The following ASPH variants were observed in gnomAD, a reference collection of about 807,000 sequenced individuals.
ASPH encodes the protein aspartate beta-hydroxylase, also known as aspartyl/asparaginyl beta-hydroxylase.
A neutral mutation model predicts 118.4 loss-of-function variants in ASPH; 100 were observed. The ratio of observed to expected loss-of-function variants is 0.84; its 90% confidence interval spans 0.72 to 1.00. The LOEUF (loss-of-function observed/expected upper bound fraction) is 1.00. ASPH is among the 50% of genes least tolerant of loss of function. The probability of loss-of-function intolerance (pLI) is 0.00; values close to 1 mark genes in which losing one functional copy is unlikely to be tolerated. For synonymous variants in ASPH, 315 were observed against 325.6 expected, an observed-to-expected ratio of 0.97 and a Z score of 0.35; for missense variants, 920 against 919.5, an observed-to-expected ratio of 1.00 and a Z score of -0.01.
intron 20 of ASPH, among the ~76,000 whole-genome samples, chr8:61,552,703 T>A (rs974896494): frequency 7.2e-5 from 11 of 152,190 alleles, no homozygotes; most frequent in African/African-American, 2.4e-4. Flanking sequence ...AGGCAATTTC[T>A]ATCTCTCTGT....
chr8:61,615,287 T>C (rs988938502), intron 14 of ASPH, among the ~76,000 whole-genome samples: 3 of 152,204 alleles, frequency 2.0e-5, no homozygotes, highest in African/African-American at 7.2e-5. Context: ...GTGCAACTCC[T>C]GCCCTTGCCT....
At chr8:61,638,795 G>A (rs947707637) in intron 10 of ASPH, among the ~76,000 whole-genome samples, 8 of 152,220 alleles carry the variant, frequency 5.3e-5, no homozygotes, top group South Asian at 2.1e-4. Flanking sequence ...TAATTAGGGC[G>A]TGCTGCCCTT....
chr8:61,571,103 C>T (rs1002006369), intron 16 of ASPH, among the ~76,000 whole-genome samples: 1 of 152,046 alleles, frequency 6.6e-6, no homozygotes, highest in African/African-American at 2.4e-5. Context: ...CCTATAAAAC[C>T]CATCTTCTGT....
rs35492301 is a variant in ASPH, at chr8:61,579,909, CA to C, written c.1063-3052del. Among the ~76,000 whole-genome samples, 460 of 49,474 alleles carry C rather than the reference CA, an allele frequency of 9.3e-3. 7 individuals carry two copies. In the East Asian group the frequency reaches 0.14, roughly 15 times the overall value. The allele number at this position is 49,474 out of a possible 152,430, so 32.5% of individuals were successfully genotyped here. A position where few individuals can be genotyped will look rare whatever the true frequency, so the allele number is the denominator to read the frequency against. ...AAACCTCAGCTAGCTCTGCCAATGT[CA>C]AAAAAAAAAAAAAAAAAAAAAATGG... On this transcript the variant is annotated intron_variant, in intron 15 of 24. Transcript: ENST00000379454.
intron 13 of ASPH, among the ~76,000 whole-genome samples, chr8:61,632,176 C>T (rs527313354): frequency 1.3e-5 from 2 of 152,146 alleles, no homozygotes; most frequent in South Asian, 4.1e-4. Context: ...TAAAAAAGCA[C>T]CTTATTCCAT....
intron 17 of ASPH, among the ~76,000 whole-genome samples, chr8:61,563,939 A>C (rs1830801365): frequency 6.6e-6 from 1 of 152,138 alleles, no homozygotes; most frequent in Non-Finnish European, 1.5e-5. Flanking sequence ...TTTCACTAAA[A>C]TCTTCTGTCT....
At chr8:61,639,577 C>T (rs1804099108) in intron 10 of ASPH, among the ~76,000 whole-genome samples, 1 of 152,146 alleles carries the variant, frequency 6.6e-6, no homozygotes, top group Non-Finnish European at 1.5e-5. Context: ...TAAATGCTGG[C>T]TTTCTTCAAA....
At chr8:61,680,862 A>G in intron 3 of ASPH, 106 bp downstream of exon 3, 1 of 867,166 alleles carries the variant, frequency 1.2e-6, no homozygotes, top group Non-Finnish European at 1.7e-6. Flanking sequence ...TAAGGGAGAA[A>G]AGTCTCCTGT....
At chr8:61,549,128 T>C (rs941078146) in intron 20 of ASPH, among the ~76,000 whole-genome samples, 8 of 152,374 alleles carry the variant, frequency 5.3e-5, no homozygotes, top group African/African-American at 1.9e-4. Flanking sequence ...AAATGTATTT[T>C]TGATAAATAA....
intron 24 of ASPH, among the ~76,000 whole-genome samples, chr8:61,516,136 C>T (rs184578765): frequency 1.2e-4 from 18 of 152,240 alleles, no homozygotes; most frequent in Admixed American, 5.9e-4. Context: ...TAATTTTTGG[C>T]CTCTGTGCCT....
At chr8:61,673,454 G>A (rs1012938464) in intron 3 of ASPH, among the ~76,000 whole-genome samples, 2 of 152,128 alleles carry the variant, frequency 1.3e-5, no homozygotes, top group Non-Finnish European at 1.5e-5. Flanking sequence ...CAGCACATCC[G>A]AATAAGCCAG....
intron 3 of ASPH, chr8:61,668,224 A>C: frequency 6.2e-7 from 1 of 1,602,520 alleles, no homozygotes; most frequent in Non-Finnish European, 8.5e-7. Context: ...ATTTGAAAAA[A>C]TGAAAATACC....
chr8:61,688,522 A>C (rs1292310679), intron 1 of ASPH, among the ~76,000 whole-genome samples: 1 of 152,200 alleles, frequency 6.6e-6, no homozygotes, highest in African/African-American at 2.4e-5. Flanking sequence ...GCACTTGAAC[A>C]GTCACCAGCT....
At position 61,567,149 on chromosome 8, in the gene ASPH, A is replaced by G. The variant is rs2131698667; in HGVS notation, c.1300+19T>C. ...AACATATGCCATTTCCTACTGAATT[A>G]CCTTTGATTGCATCTTACCTAGAAA... is the stretch of plus-strand genomic sequence containing the variant. On this transcript the variant is annotated intron_variant, in intron 17 of 24. Transcript: ENST00000379454. The G allele has an allele frequency of 3.7e-6, 6 of 1,612,086 alleles. No homozygotes were observed. Among genetic ancestry groups the G allele is most frequent in the Non-Finnish European group, 5.1e-6 (6 of 1,178,964 alleles).
intron 13 of ASPH, chr8:61,624,559 G>A: frequency 1.0e-6 from 1 of 974,698 alleles, no homozygotes; most frequent in South Asian, 4.8e-5. Context: ...GTATTTTATT[G>A]CACTCAACAT....
chr8:61,579,185 G>C lies in ASPH; in HGVS notation c.1063-2327C>G, dbSNP rs1395150161. 2.5e-6 allele frequency: 4 copies of C among 1,612,588 alleles called. No individual in the cohort carries two copies. In the Admixed American group the frequency reaches 5.0e-5, roughly 20 times the overall value. ...TCAGCCAGCTCCAGGCTGAGATTGA[G>C]GGCCTCAAAGGCCAGAGGGCTTCCC... On this transcript the variant is annotated intron_variant, in intron 15 of 24. Coordinates refer to ENST00000379454, the MANE Select transcript of ASPH (RefSeq NM_004318.4).
rs113347439 is a variant in ASPH, at chr8:61,582,791, T to C, written c.1062+1153A>G. Among the ~76,000 whole-genome samples the C allele has an allele frequency of 7.1e-3, 1,085 of 152,326 alleles. 11 individuals carry two copies. The highest frequency in any genetic ancestry group is 0.024 in the African/African-American group (996 of 41,578). ...TAAAGCCCACTTGTTCCTTTATTAT[T>C]GCAGCCAATGTCTACTGATTAAAAA... is the stretch of plus-strand genomic sequence containing the variant. On this transcript the variant is annotated intron_variant, in intron 15 of 24. Coordinates refer to ENST00000379454, the MANE Select transcript of ASPH (RefSeq NM_004318.4).
intron 3 of ASPH, chr8:61,660,047 T>C (rs1407404013): frequency 6.6e-6 from 1 of 152,026 alleles, no homozygotes; most frequent in Non-Finnish European, 1.5e-5. Context: ...GTTTGCTGCA[T>C]GGGTATATTG....
intron 24 of ASPH, among the ~76,000 whole-genome samples, chr8:61,506,293 A>G (rs2129611631): frequency 6.6e-6 from 1 of 152,280 alleles, no homozygotes; most frequent in South Asian, 2.1e-4. Flanking sequence ...ACAGAGAGAG[A>G]AAGGAGAAGA....
Sources: gnomAD v4.1 joint callset for allele counts (sites outside exome capture counted in the v4.1 genomes callset) on GRCh38, gnomAD v4.1.1 for gene constraint, MANE v1.5 for transcripts, NCBI Gene and HGNC (gene_info 2026-07-23, HGNC 2026-07-21) for gene names.